MACROD2: variants seen among roughly 807,000 people sequenced by gnomAD.
The protein encoded by MACROD2 is mono-ADP ribosylhydrolase 2, also known as ADP-ribose glycohydrolase MACROD2.
MACROD2 carries 36 observed loss-of-function variants against 70.4 expected under a neutral mutation model. That is an observed-to-expected ratio of 0.51 (90% CI 0.39 to 0.68). The LOEUF is 0.68. Among genes scored for constraint, MACROD2 ranks in the 30% least tolerant of loss-of-function variants. The pLI is 0.00. For missense variants in MACROD2, 496 were observed against 538.4 expected (o/e 0.92, Z 0.78); for synonymous variants, 172 against 178.8 (o/e 0.96, Z 0.30).
At chr20:14,946,200 A>G (rs1197534914) in intron 5 of MACROD2, among the ~76,000 whole-genome samples, 1 of 75,552 alleles carries the variant, frequency 1.3e-5, no homozygotes, top group Non-Finnish European at 2.6e-5. Flanking sequence ...ACTCTGTCTC[A>G]AAAAAAAAAA....
intron 8 of MACROD2, among the ~76,000 whole-genome samples, chr20:15,539,716 G>A (rs568798678): frequency 5.9e-5 from 9 of 152,192 alleles, no homozygotes; most frequent in Admixed American, 5.2e-4. Context: ...AGCCGGGCAC[G>A]GTGGCTCATG....
chr20:14,626,037 G>T (rs1030997065), intron 4 of MACROD2, among the ~76,000 whole-genome samples: 1 of 152,060 alleles, frequency 6.6e-6, no homozygotes, highest in African/African-American at 2.4e-5. Context: ...TGTTGATTAG[G>T]CTGGTCTCAA....
chr20:14,707,405 G>A (rs2071282344), intron 5 of MACROD2, among the ~76,000 whole-genome samples: 1 of 152,086 alleles, frequency 6.6e-6, no homozygotes, highest in Non-Finnish European at 1.5e-5. Flanking sequence ...AAGAGCCTCG[G>A]TTTTCTTTCC....
At position 16,049,984 on chromosome 20, in the gene MACROD2, G is replaced by A. The variant is rs1263557998; in HGVS notation, c.*108G>A. On this transcript the variant is annotated 3_prime_UTR_variant, in exon 18 of 18. Coordinates refer to ENST00000684519, the MANE Select transcript of MACROD2 (RefSeq NM_001351661.2). ...TGGGGGGAAGGCAAGTCCCATGGAA[G>A]GACGGGGAATCCTTTACTCTAATTT... The A allele has an allele frequency of 1.2e-6, 1 of 818,214 alleles. No homozygotes were observed. The highest frequency in any genetic ancestry group is 2.4e-5 in the Admixed American group (1 of 41,604). 50.7% of individuals were successfully genotyped at this position (818,214 alleles called of 1,614,324 possible).
intron 5 of MACROD2, among the ~76,000 whole-genome samples, chr20:15,020,411 A>G (rs1600956691): frequency 6.6e-6 from 1 of 152,178 alleles, no homozygotes; most frequent in African/African-American, 2.4e-5. Flanking sequence ...AAATTACTCT[A>G]TGTTGTGATC....
chr20:14,625,188 A>T (rs1164927175), intron 4 of MACROD2, among the ~76,000 whole-genome samples: 1 of 152,006 alleles, frequency 6.6e-6, no homozygotes, highest in Non-Finnish European at 1.5e-5. Context: ...TTAGCTAGGC[A>T]TGGTGGCAGG....
At chr20:15,207,035 C>T (rs1300914773) in intron 5 of MACROD2, among the ~76,000 whole-genome samples, 1 of 152,030 alleles carries the variant, frequency 6.6e-6, no homozygotes, top group Non-Finnish European at 1.5e-5. Context: ...CGCGCCCGGC[C>T]CATATTATCT....
intron 6 of MACROD2, among the ~76,000 whole-genome samples, chr20:15,417,598 C>CAA (rs71340225): frequency 0.12 from 8,164 of 69,050 alleles, 637 homozygotes; most frequent in East Asian, 0.28. Context: ...AACCCTGTCT[C>CAA]AAAAAAAAAA....
At chr20:15,549,118 G>T (rs6043356) in intron 8 of MACROD2, among the ~76,000 whole-genome samples, 52,393 of 152,128 alleles carry the variant, frequency 0.34, 10,406 homozygotes, top group African/African-American at 0.54. Context: ...TGTTGTAACT[G>T]CTAAGTTTTG....
At position 15,375,113 on chromosome 20, in the gene MACROD2, T is replaced by C. The variant is rs147839122; in HGVS notation, c.541-56292T>C. ...GTTATTCAAGTAAATGTTTCAACTG[T>C]CTATATAAATCATTTCTCTTGATGC... On this transcript the variant is annotated intron_variant, in intron 6 of 17. Transcript: ENST00000684519. 2.3e-4 allele frequency among the ~76,000 whole-genome samples: 35 copies of C among 152,332 alleles called. 1 individual carries two copies. In the East Asian group the frequency reaches 6.7e-3, roughly 29 times the overall value.
intron 5 of MACROD2, among the ~76,000 whole-genome samples, chr20:15,126,785 G>C (rs73097517): frequency 0.28 from 42,673 of 151,876 alleles, 7,148 homozygotes; most frequent in Non-Finnish European, 0.39. Context: ...TGTCCCTTGG[G>C]CCAGCTGTAT....
chr20:14,410,319 G>A (rs1364711559), intron 3 of MACROD2, among the ~76,000 whole-genome samples: 1 of 149,180 alleles, frequency 6.7e-6, no homozygotes, highest in East Asian at 2.0e-4. Context: ...TTGTACAAAT[G>A]ATCCTGTCAC....
chr20:15,681,709 A>G (rs996597864), intron 8 of MACROD2, among the ~76,000 whole-genome samples: 6 of 152,182 alleles, frequency 3.9e-5, no homozygotes, highest in African/African-American at 9.7e-5. Context: ...TGGCCATTCA[A>G]TTACATTTTT....
At chr20:15,621,653 G>C (rs894050262) in intron 8 of MACROD2, among the ~76,000 whole-genome samples, 1 of 152,142 alleles carries the variant, frequency 6.6e-6, no homozygotes, top group South Asian at 2.1e-4. Context: ...GTCCTTTCAT[G>C]TTCCTGATGT....
chr20:14,115,295 A>G (rs1002931560), intron 3 of MACROD2, among the ~76,000 whole-genome samples: 1 of 152,204 alleles, frequency 6.6e-6, no homozygotes, highest in African/African-American at 2.4e-5. Context: ...AAAATATATA[A>G]AACAAAATGG....
intron 15 of MACROD2, among the ~76,000 whole-genome samples, chr20:16,034,985 T>C (rs1271920441): frequency 1.3e-5 from 2 of 148,228 alleles, no homozygotes; most frequent in Non-Finnish European, 3.0e-5. Flanking sequence ...GTAAATGCTG[T>C]TAATTTATTC....
chr20:15,617,458 A>G (rs1176719025), intron 8 of MACROD2, among the ~76,000 whole-genome samples: 2 of 152,242 alleles, frequency 1.3e-5, no homozygotes, highest in Non-Finnish European at 2.9e-5. Flanking sequence ...AACTCATCCA[A>G]CAATGGCTAA....
intron 4 of MACROD2, among the ~76,000 whole-genome samples, chr20:14,555,582 C>T (rs1978972030): frequency 6.6e-6 from 1 of 152,044 alleles, no homozygotes; most frequent in South Asian, 2.1e-4. Context: ...GAGTAGCTTA[C>T]TCAAGGTTGA....
At chr20:14,715,737 G>A (rs929229607) in intron 5 of MACROD2, among the ~76,000 whole-genome samples, 9 of 152,136 alleles carry the variant, frequency 5.9e-5, no homozygotes, top group African/African-American at 1.4e-4. Context: ...TTAACGTGAG[G>A]CTTAGGGTCT....
Sources: allele counts gnomAD v4.1 joint callset (sites outside exome capture counted in the v4.1 genomes callset), GRCh38; gene constraint gnomAD v4.1.1; transcripts MANE v1.5; gene names NCBI Gene and HGNC (gene_info 2026-07-23, HGNC 2026-07-21).